Variants in LGR5 observed in about 807,000 individuals in gnomAD.
LGR5 encodes the protein leucine rich repeat containing G protein-coupled receptor 5, also known as leucine-rich repeat-containing G protein-coupled receptor 5.
LGR5 carries 54 observed loss-of-function variants against 76.7 expected under a neutral mutation model. The ratio of observed to expected loss-of-function variants is 0.70; its 90% CI spans 0.57 to 0.88. The LOEUF (loss-of-function observed/expected upper bound fraction) is 0.88, where lower values mean the gene tolerates loss of function less well. LGR5 is among the 40% of genes least tolerant of loss of function. LGR5 has a pLI of 0.00. For missense variants in LGR5, 1,078 were observed against 1,073.3 expected (o/e 1.00, Z -0.06); for synonymous variants, 406 against 421.9 (o/e 0.96, Z 0.46).
rs1175952776 is a variant in LGR5, at chr12:71,444,817, ATATC to A, written c.212+4530_212+4533del. On this transcript the variant is annotated intron_variant, in intron 1 of 17. Transcript: ENST00000266674. ...TTATTGTTTTCAGTTTTCAAAATAT[ATATC>A]TATCAAAGGCATAGAAATTTCAGAC... is the stretch of plus-strand genomic sequence containing the variant. 2.0e-5 allele frequency among the ~76,000 whole-genome samples: 3 copies of A among 152,182 alleles called. No individual in the cohort carries two copies. In the East Asian group the frequency reaches 5.8e-4, roughly 29 times the overall value.
At chr12:71,557,190 C>T (rs369239841) in intron 6 of LGR5, among the ~76,000 whole-genome samples, 3 of 152,244 alleles carry the variant, frequency 2.0e-5, no homozygotes, top group African/African-American at 7.2e-5. Flanking sequence ...GAAGCCAATG[C>T]GGGAGGATCG....
At chr12:71,482,649 G>A (rs888504661) in intron 1 of LGR5, among the ~76,000 whole-genome samples, 4 of 152,130 alleles carry the variant, frequency 2.6e-5, no homozygotes, top group African/African-American at 9.7e-5. Context: ...CAACTGGAAG[G>A]AGGGTGGGTG....
intron 11 of LGR5, among the ~76,000 whole-genome samples, chr12:71,568,838 A>G (rs1359648172): frequency 1.3e-5 from 2 of 152,180 alleles, no homozygotes; most frequent in Non-Finnish European, 2.9e-5. Context: ...TTCACTGTAC[A>G]TGACTAGTTT....
Position 71,571,546 on chromosome 12 carries a change from C to G in LGR5, c.1103C>G (p.Pro368Arg). 4 of 1,612,588 alleles carry G rather than the reference C, an allele frequency of 2.5e-6. No homozygotes were observed. Among genetic ancestry groups the G allele is most frequent in the Non-Finnish European group, 3.4e-6 (4 of 1,179,194 alleles). Residue 368 changes from proline to arginine, a missense_variant, in exon 12 of 18, where the codon CCC becomes CGC. Transcript: ENST00000266674. ...DLSYNLLEDL[P>R]SFSVCQKLQK... ...TCTTACAACCTATTAGAAGATTTAC[C>G]CAGTTTTTCAGTCTGCCAAAAGCTT...
At chr12:71,483,141 A>C (rs1873682931) in intron 1 of LGR5, among the ~76,000 whole-genome samples, 1 of 152,180 alleles carries the variant, frequency 6.6e-6, no homozygotes. Flanking sequence ...TTAAAGAAAA[A>C]AATTAACTCC....
chr12:71,507,842 T>G (rs1874933328), intron 2 of LGR5, among the ~76,000 whole-genome samples: 1 of 152,060 alleles, frequency 6.6e-6, no homozygotes, highest in Non-Finnish European at 1.5e-5. Flanking sequence ...TTTTTGTGCT[T>G]TATCTCTTTA....
chr12:71,582,509 C>T lies in LGR5; in HGVS notation c.1606C>T (p.Leu536Phe). 1.9e-6 allele frequency: 3 copies of T among 1,613,984 alleles called. No homozygotes were observed. The highest frequency in any genetic ancestry group is 2.5e-6 in the Non-Finnish European group (3 of 1,179,904). Residue 536 changes from leucine (L) to phenylalanine (F), a missense_variant, in exon 17 of 18, where the codon CTT becomes TTT. By Grantham distance (22) the Leu-to-Phe change is conservative. Coordinates refer to ENST00000266674, the MANE Select transcript of LGR5 (RefSeq NM_003667.4). Reference protein sequence around the residue: ...LLDFEEDLKALHSVQCSPSPG... With the variant: ...LLDFEEDLKAFHSVQCSPSPG... ...TGACTTTGAGGAAGACCTGAAAGCC[C>T]TTCATTCAGTGCAGTGTTCACCTTC...
At chr12:71,562,464 CT>C (rs11307054) in intron 8 of LGR5, among the ~76,000 whole-genome samples, 134,078 of 152,142 alleles carry the variant, frequency 0.88, 61,056 homozygotes, top group East Asian at 1. Flanking sequence ...AATTCTAACA[CT>C]TTGGGAGGCC....
intron 4 of LGR5, among the ~76,000 whole-genome samples, chr12:71,540,754 C>T (rs1395871245): frequency 6.6e-6 from 1 of 151,932 alleles, no homozygotes; most frequent in African/African-American, 2.4e-5. Context: ...TATTGGGCTT[C>T]AGACATGGGA....
chr12:71,569,088 T>C (rs1033614297), intron 11 of LGR5, among the ~76,000 whole-genome samples: 1 of 152,230 alleles, frequency 6.6e-6, no homozygotes, highest in Admixed American at 6.5e-5. Flanking sequence ...TAAATGGTGC[T>C]GAGAGAACTG....
chr12:71,498,548 G>T (rs1363850039), intron 1 of LGR5, among the ~76,000 whole-genome samples: 1 of 152,076 alleles, frequency 6.6e-6, no homozygotes, highest in Non-Finnish European at 1.5e-5. Flanking sequence ...TCCTTAAGTG[G>T]CAGACAGTGG....
At chr12:71,476,877 G>A (rs1334716481) in intron 1 of LGR5, among the ~76,000 whole-genome samples, 2 of 152,126 alleles carry the variant, frequency 1.3e-5, no homozygotes, top group Non-Finnish European at 2.9e-5. Context: ...ACCTAAACAA[G>A]CAGATATTTG....
chr12:71,525,162 A>G (rs773559546), intron 3 of LGR5, among the ~76,000 whole-genome samples: 6 of 152,174 alleles, frequency 3.9e-5, no homozygotes, highest in Non-Finnish European at 7.4e-5. Flanking sequence ...TAATGCAAGG[A>G]AAAGTTTATC....
At chr12:71,480,092 C>T (rs949162544) in intron 1 of LGR5, among the ~76,000 whole-genome samples, 13 of 151,918 alleles carry the variant, frequency 8.6e-5, no homozygotes, top group African/African-American at 2.7e-4. Context: ...GGCTGGGTGC[C>T]GTAGCTAATG....
chr12:71,514,087 A>AAAC (rs758113761), intron 2 of LGR5, among the ~76,000 whole-genome samples: 213 of 152,146 alleles, frequency 1.4e-3, no homozygotes, highest in Non-Finnish European at 2.4e-3. Context: ...GGATCTTAAA[A>AAAC]AACAACAACA....
At position 71,561,783 on chromosome 12, in the gene LGR5, G is replaced by T; in HGVS notation, c.788G>T (p.Gly263Val). Residue 263 changes from glycine to valine, a missense_variant and splice_region_variant, in exon 8 of 18, where the codon GGA (glycine) becomes GTA (valine). Physicochemically the swap from Gly to Val is moderately radical, Grantham distance 109. Coordinates refer to ENST00000266674, the MANE Select transcript of LGR5 (RefSeq NM_003667.4). ...IRTLSNLKEL[G>V]FHSNNIRSIP... is the part of the protein sequence containing the mutation. ...TATAATTTTTTTTCTCTTTCTAGAG[G>T]ATTTCATAGCAACAATATCAGGTCG... 6.3e-7 allele frequency: 1 copy of T among 1,594,068 alleles called. No individual in the cohort carries two copies. Among genetic ancestry groups the T allele is most frequent in the Non-Finnish European group, 8.6e-7 (1 of 1,166,832 alleles).
intron 1 of LGR5, among the ~76,000 whole-genome samples, chr12:71,489,977 T>C (rs1351969538): frequency 6.6e-6 from 1 of 152,038 alleles, no homozygotes; most frequent in African/African-American, 2.4e-5. Flanking sequence ...GCCTCCGAAG[T>C]AGCTGGGACT....
chr12:71,566,517 G>T (rs762363291), intron 9 of LGR5, 42 bp downstream of exon 9: 8 of 1,549,964 alleles, frequency 5.2e-6, no homozygotes, highest in Non-Finnish European at 7.1e-6. Flanking sequence ...CCCTCTACAG[G>T]GTTGCTGTGA....
intron 4 of LGR5, among the ~76,000 whole-genome samples, chr12:71,538,622 C>G (rs1383163031): frequency 6.6e-6 from 1 of 152,298 alleles, no homozygotes; most frequent in East Asian, 1.9e-4. Flanking sequence ...GCAAAGTATT[C>G]TCCAGAACTC....
Sources: gnomAD v4.1 joint callset for allele counts (sites outside exome capture counted in the v4.1 genomes callset) on GRCh38, gnomAD v4.1.1 for gene constraint, MANE v1.5 for transcripts, NCBI Gene and HGNC (gene_info 2026-07-23, HGNC 2026-07-21) for gene names.